CCDC68: variants seen among roughly 807,000 people sequenced by gnomAD.
CCDC68 encodes the protein coiled-coil domain containing 68.
In CCDC68, 45 loss-of-function variants were observed where a neutral mutation model predicts 47.1. The ratio of observed to expected loss-of-function variants is 0.96; its 90% CI spans 0.75 to 1.23. The LOEUF (loss-of-function observed/expected upper bound fraction) is 1.23, where lower values mean the gene tolerates loss of function less well. Ranked by LOEUF, CCDC68 falls within the 50% of genes most tolerant of loss-of-function variation. The pLI, the probability that CCDC68 is intolerant of heterozygous loss-of-function variation, is 0.00. For missense variants in CCDC68, 353 were observed against 373.6 expected, an observed-to-expected ratio of 0.94 and a Z score of 0.45; for synonymous variants, 131 against 129.5, an observed-to-expected ratio of 1.01 and a Z score of -0.08.
chr18:54,938,823 CTG>C (rs1360003951), intron 4 of CCDC68, among the ~76,000 whole-genome samples: 2 of 152,200 alleles, frequency 1.3e-5, no homozygotes, highest in East Asian at 1.9e-4. Flanking sequence ...TATTTCAAAA[CTG>C]AGAAATGATT....
At chr18:54,918,035 A>G (rs754718745) in intron 9 of CCDC68, 39 bp from the exon 10 acceptor site, 3 of 855,502 alleles carry the variant, frequency 3.5e-6, no homozygotes, top group Non-Finnish European at 5.5e-6. Flanking sequence ...ACCTTGTCAG[A>G]CCACAGGAAA....
In CCDC68 at chr18:54,934,803, A is replaced by T; in HGVS notation, c.600+17T>A. On this transcript the variant is annotated intron_variant, in intron 7 of 11. Transcript: ENST00000591504. Reference sequence around the variant, plus strand: ...ATGCTGTCAGTAAGAAAATCCTCTAATTCTCCAGGGGCGTACCTTTTCCAT... The same window carrying T: ...ATGCTGTCAGTAAGAAAATCCTCTATTTCTCCAGGGGCGTACCTTTTCCAT... The T allele has an allele frequency of 7.0e-7, 1 of 1,429,926 alleles. No individual in the cohort carries two copies. The highest frequency in any genetic ancestry group is 9.2e-7 in the Non-Finnish European group (1 of 1,087,446). 88.6% of individuals were successfully genotyped at this position (1,429,926 alleles called of 1,614,324 possible).
chr18:54,926,276 G>A (rs1169110298), intron 8 of CCDC68, among the ~76,000 whole-genome samples: 3 of 152,184 alleles, frequency 2.0e-5, no homozygotes, highest in Non-Finnish European at 4.4e-5. Flanking sequence ...GGGCTGGGGA[G>A]GCCTCAGGAA....
intron 3 of CCDC68, 147 bp downstream of exon 3, chr18:54,942,528 A>T: frequency 1.8e-6 from 1 of 553,850 alleles, no homozygotes; most frequent in Non-Finnish European, 3.2e-6. Flanking sequence ...CATGGGTTTA[A>T]ACTTCAGCTA....
At chr18:54,930,486 A>C (rs998898976) in intron 7 of CCDC68, among the ~76,000 whole-genome samples, 2 of 152,172 alleles carry the variant, frequency 1.3e-5, no homozygotes, top group Non-Finnish European at 2.9e-5. Flanking sequence ...TTTTAAAATT[A>C]GCTTTTTCAA....
intron 8 of CCDC68, among the ~76,000 whole-genome samples, chr18:54,926,642 T>C (rs1220211216): frequency 2.0e-5 from 3 of 152,192 alleles, no homozygotes; most frequent in Non-Finnish European, 4.4e-5. Flanking sequence ...ATGGAAAAGT[T>C]GGAAAATGGC....
In CCDC68 at chr18:54,945,495, C is replaced by T. The variant is rs932532210; in HGVS notation, c.-102-18G>A. On this transcript the variant is annotated intron_variant, in intron 1 of 11. Transcript: ENST00000591504. ...TGGCTTCCCTGGAGAGAAACAATAACAACAACAAAATATTTAAAATCTAAC... is the reference window on the plus strand; with the variant it reads ...TGGCTTCCCTGGAGAGAAACAATAATAACAACAAAATATTTAAAATCTAAC... The T allele has an allele frequency of 1.3e-5, 2 of 151,756 alleles. No individual in the cohort carries two copies. The highest frequency in any genetic ancestry group is 2.4e-5 in the African/African-American group (1 of 41,324). 9.4% of individuals were successfully genotyped at this position (151,756 alleles called of 1,614,324 possible).
chr18:54,945,733 G>C (rs930878812), intron 1 of CCDC68, among the ~76,000 whole-genome samples: 1 of 152,236 alleles, frequency 6.6e-6, no homozygotes, highest in African/African-American at 2.4e-5. Context: ...CGCTGAAGTT[G>C]ATTTGGCAGC....
chr18:54,923,451 A>G (rs2044095446), intron 8 of CCDC68, among the ~76,000 whole-genome samples: 3 of 152,154 alleles, frequency 2.0e-5, no homozygotes, highest in Admixed American at 2.0e-4. Context: ...AAAAAAAAAA[A>G]AAAAATTGAA....
intron 1 of CCDC68, among the ~76,000 whole-genome samples, chr18:54,945,949 A>G (rs998643385): frequency 3.3e-5 from 5 of 152,232 alleles, no homozygotes; most frequent in African/African-American, 1.2e-4. Flanking sequence ...AGCAAACCCC[A>G]GCCTGGGAGC....
intron 10 of CCDC68, among the ~76,000 whole-genome samples, chr18:54,912,639 T>TACACAC (rs374114188): frequency 6.6e-5 from 10 of 151,592 alleles, no homozygotes; most frequent in African/African-American, 2.4e-4. Flanking sequence ...TGTATACACA[T>TACACAC]ACACACACAC....
chr18:54,909,812 ATGCCAGGAAC>A (rs1914246170), intron 10 of CCDC68, among the ~76,000 whole-genome samples: 1 of 152,220 alleles, frequency 6.6e-6, no homozygotes, highest in Non-Finnish European at 1.5e-5. Flanking sequence ...AAGCTTGGAG[ATGCCAGGAAC>A]CGCAAGGCCC....
At chr18:54,959,017 G>A (rs2044758045) in intron 1 of CCDC68, among the ~76,000 whole-genome samples, 1 of 152,146 alleles carries the variant, frequency 6.6e-6, no homozygotes, top group East Asian at 1.9e-4. Flanking sequence ...GAAATCGCGG[G>A]GACCCCTGAC....
intron 8 of CCDC68, among the ~76,000 whole-genome samples, chr18:54,921,547 A>G (rs1342684276): frequency 6.6e-6 from 1 of 152,250 alleles, no homozygotes; most frequent in Non-Finnish European, 1.5e-5. Context: ...CAGGACGCCT[A>G]CAACATTGGT....
intron 2 of CCDC68, 47 bp from the exon 3 acceptor site, chr18:54,942,850 G>T (rs2044461689): frequency 1.3e-5 from 13 of 1,012,424 alleles, no homozygotes; most frequent in Non-Finnish European, 1.9e-5. Context: ...TGTTTTGATT[G>T]TATGATTATA....
At chr18:54,936,247 TTA>T (rs1180950981) in intron 6 of CCDC68, among the ~76,000 whole-genome samples, 1 of 144,548 alleles carries the variant, frequency 6.9e-6, no homozygotes, top group African/African-American at 2.5e-5. Context: ...AAATATATAG[TTA>T]TATATATTTA....
intron 10 of CCDC68, among the ~76,000 whole-genome samples, chr18:54,916,095 T>C (rs1237968653): frequency 6.6e-6 from 1 of 152,190 alleles, no homozygotes; most frequent in African/African-American, 2.4e-5. Flanking sequence ...ATGAATCACA[T>C]AATCTGAAGG....
chr18:54,914,981 C>T (rs1024856209), intron 10 of CCDC68, among the ~76,000 whole-genome samples: 4 of 152,106 alleles, frequency 2.6e-5, no homozygotes, highest in African/African-American at 4.8e-5. Context: ...ATAGGCACAA[C>T]TAAAGAACAC....
chr18:54,932,983 G>A (rs1041719560), intron 7 of CCDC68, among the ~76,000 whole-genome samples: 1 of 152,206 alleles, frequency 6.6e-6, no homozygotes, highest in Non-Finnish European at 1.5e-5. Context: ...TCAAATATTT[G>A]TTTAGTAAAC....
Sources: gnomAD v4.1 joint callset for allele counts (sites outside exome capture counted in the v4.1 genomes callset) on GRCh38, gnomAD v4.1.1 for gene constraint, MANE v1.5 for transcripts, NCBI Gene and HGNC (gene_info 2026-07-23, HGNC 2026-07-21) for gene names.